Variants in TPD52 observed in about 807,000 individuals in gnomAD.
TPD52 encodes the protein tumor protein D52.
Under a neutral mutation model 31.3 loss-of-function variants are expected in TPD52, and 17 were observed. The ratio of observed to expected loss-of-function variants is 0.54; its 90% confidence interval spans 0.37 to 0.82. The LOEUF is 0.82. TPD52 is among the 40% of genes least tolerant of loss of function. The pLI, the probability that TPD52 is intolerant of heterozygous loss-of-function variation, is 0.00. For synonymous variants in TPD52, 83 were observed against 89.6 expected (o/e 0.93, Z 0.42); for missense variants, 212 against 240.1 (o/e 0.88, Z 0.77).
At chr8:80,083,541 T>C (rs754810699) in intron 1 of TPD52, among the ~76,000 whole-genome samples, 3 of 152,144 alleles carry the variant, frequency 2.0e-5, no homozygotes, top group Admixed American at 1.3e-4. Flanking sequence ...GGAGAACAGA[T>C]GGTTTTATAA....
At chr8:80,059,051 C>G (rs1812211063) in intron 2 of TPD52, among the ~76,000 whole-genome samples, 1 of 152,138 alleles carries the variant, frequency 6.6e-6, no homozygotes, top group African/African-American at 2.4e-5. Flanking sequence ...TTCTCCAGGA[C>G]AGAGTATACG....
chr8:80,031,302 G>C (rs1235045328), downstream of TPD52, among the ~76,000 whole-genome samples: 1 of 152,158 alleles, frequency 6.6e-6, no homozygotes, highest in Non-Finnish European at 1.5e-5. Flanking sequence ...ATAGTGTTAA[G>C]AACACGAAGT....
intron 1 of TPD52, among the ~76,000 whole-genome samples, chr8:80,098,353 A>C (rs1418472449): frequency 6.6e-6 from 1 of 152,220 alleles, no homozygotes; most frequent in Admixed American, 6.5e-5. Context: ...AGTACATTAA[A>C]AACCTTCTGG....
At chr8:80,076,273 G>C (rs994768588) in intron 1 of TPD52, among the ~76,000 whole-genome samples, 3 of 152,210 alleles carry the variant, frequency 2.0e-5, no homozygotes, top group Non-Finnish European at 4.4e-5. Flanking sequence ...ATCAATGATA[G>C]ACTGAATAAA....
intron 1 of TPD52, among the ~76,000 whole-genome samples, chr8:80,078,940 A>C (rs1024762523): frequency 6.6e-6 from 1 of 152,146 alleles, no homozygotes; most frequent in African/African-American, 2.4e-5. Flanking sequence ...GAAGGGTAGA[A>C]GGGAACTAAA....
intron 1 of TPD52, among the ~76,000 whole-genome samples, chr8:80,120,494 GA>G (rs200013466): frequency 4.7e-5 from 7 of 150,418 alleles, no homozygotes; most frequent in Non-Finnish European, 1.5e-5. Context: ...AAAAAGAAAA[GA>G]AAAAAAAAGA....
chr8:80,032,024 A>G (rs776504565), downstream of TPD52, among the ~76,000 whole-genome samples: 1 of 151,968 alleles, frequency 6.6e-6, no homozygotes, highest in African/African-American at 2.4e-5. Context: ...GTGATGACAC[A>G]TGGCTGTAAT....
At chr8:80,169,949 T>C (rs1218983784) in intron 1 of TPD52, among the ~76,000 whole-genome samples, 1 of 152,210 alleles carries the variant, frequency 6.6e-6, no homozygotes, top group Non-Finnish European at 1.5e-5. Context: ...AATATGTATG[T>C]GTATATATAC....
Position 80,037,175 on chromosome 8 carries a change from T to G in TPD52, c.*941A>C, listed in dbSNP as rs1809964959. Reference sequence around the variant, plus strand: ...ATATTAGTCATATAACTTGGTGTGCTTATTTTAAATAGTGCTAAATGGATT... The same window carrying G: ...ATATTAGTCATATAACTTGGTGTGCGTATTTTAAATAGTGCTAAATGGATT... On this transcript the variant is annotated 3_prime_UTR_variant, in exon 8 of 8. Coordinates refer to ENST00000518937, the MANE Select transcript of TPD52 (RefSeq NM_001025253.3). The G allele has an allele frequency of 6.6e-6, 1 of 152,618 alleles. No individual in the cohort carries two copies. The highest frequency in any genetic ancestry group is 2.4e-5 in the African/African-American group (1 of 41,456). The allele number at this position is 152,618 out of a possible 1,614,324, so 9.5% of individuals were successfully genotyped here. A position where few individuals can be genotyped will look rare whatever the true frequency, so the allele number is the denominator to read the frequency against.
chr8:80,051,659 A>C, intron 3 of TPD52, 31 bp from the exon 4 acceptor site: 1 of 1,521,432 alleles, frequency 6.6e-7, no homozygotes, highest in Non-Finnish European at 8.9e-7. Flanking sequence ...ACAGAGCAAA[A>C]GAAGGGTCAG....
intron 1 of TPD52, among the ~76,000 whole-genome samples, chr8:80,110,332 G>A (rs1304371853): frequency 6.6e-6 from 1 of 151,990 alleles, no homozygotes; most frequent in Admixed American, 6.6e-5. Context: ...CAGCATACCA[G>A]ATTGTCTCAC....
intron 1 of TPD52, among the ~76,000 whole-genome samples, chr8:80,150,415 G>A (rs1810493216): frequency 6.6e-6 from 1 of 152,226 alleles, no homozygotes; most frequent in Admixed American, 6.5e-5. Flanking sequence ...TCCCCACTGG[G>A]ACACTGCCTA....
At chr8:80,100,964 T>C (rs766777395) in intron 1 of TPD52, among the ~76,000 whole-genome samples, 5 of 152,196 alleles carry the variant, frequency 3.3e-5, no homozygotes, top group African/African-American at 4.8e-5. Context: ...GGGCACCCCA[T>C]GGCACAGTCA....
intron 1 of TPD52, among the ~76,000 whole-genome samples, chr8:80,139,120 A>G (rs1436308983): frequency 6.6e-6 from 1 of 152,098 alleles, no homozygotes; most frequent in Non-Finnish European, 1.5e-5. Flanking sequence ...TATTTCAACT[A>G]TATTATTCAA....
chr8:80,038,100 A>G lies in TPD52; in HGVS notation c.*16T>C. On this transcript the variant is annotated 3_prime_UTR_variant, in exon 8 of 8. Coordinates refer to ENST00000518937, the MANE Select transcript of TPD52 (RefSeq NM_001025253.3). ...TGCAGCATCTGGCAGTGGGTAGCAG[A>G]ACAAAGGTAGGAATCTCACAGGCTC... 6.2e-7 allele frequency: 1 copy of G among 1,613,522 alleles called. No individual in the cohort carries two copies. The highest frequency in any genetic ancestry group is 8.5e-7 in the Non-Finnish European group (1 of 1,179,540).
chr8:80,154,494 T>G (rs932000592), intron 1 of TPD52, among the ~76,000 whole-genome samples: 1 of 152,344 alleles, frequency 6.6e-6, no homozygotes, highest in East Asian at 1.9e-4. Context: ...CCTTAAGTGA[T>G]AACAAAAAAT....
chr8:80,116,751 AC>A (rs1364581701), intron 1 of TPD52, among the ~76,000 whole-genome samples: 1 of 150,084 alleles, frequency 6.7e-6, no homozygotes, highest in African/African-American at 2.5e-5. Flanking sequence ...TCAGCATAAT[AC>A]TAGCAAACCA....
At chr8:80,160,051 C>A (rs1006987987) in intron 1 of TPD52, among the ~76,000 whole-genome samples, 6 of 152,042 alleles carry the variant, frequency 3.9e-5, no homozygotes, top group Non-Finnish European at 7.4e-5. Flanking sequence ...ATTAGCCAGG[C>A]ATGGTGGTGT....
intron 7 of TPD52, among the ~76,000 whole-genome samples, chr8:80,041,458 T>C (rs1810375385): frequency 6.6e-6 from 1 of 152,196 alleles, no homozygotes; most frequent in African/African-American, 2.4e-5. Flanking sequence ...CTAGTTTTAA[T>C]CCTTAAAATA....
Sources: gnomAD v4.1 joint callset for allele counts (sites outside exome capture counted in the v4.1 genomes callset) on GRCh38, gnomAD v4.1.1 for gene constraint, MANE v1.5 for transcripts, NCBI Gene and HGNC (gene_info 2026-07-23, HGNC 2026-07-21) for gene names.